EML1: variants seen among roughly 807,000 people sequenced by gnomAD.
The protein encoded by EML1 is EMAP like 1.
Under a neutral mutation model 110.4 loss-of-function variants are expected in EML1, and 27 were observed. That is an observed-to-expected ratio of 0.24 (90% CI 0.18 to 0.34). EML1 has a LOEUF of 0.34. Ranked by LOEUF, EML1 falls within the 10% of genes least tolerant of loss-of-function variation. The pLI, the probability that EML1 is intolerant of heterozygous loss-of-function variation, is 1.00. For missense variants in EML1, 741 were observed against 1,030.9 expected (o/e 0.72, Z 3.85); for synonymous variants, 344 against 385.8 (o/e 0.89, Z 1.27).
At chr14:99,833,202 G>A (rs962205519) in intron 1 of EML1, among the ~76,000 whole-genome samples, 1 of 152,184 alleles carries the variant, frequency 6.6e-6, no homozygotes. Flanking sequence ...TGTATGGATT[G>A]AGGTTCTTTT....
At position 99,866,570 on chromosome 14, in the gene EML1, CAAAA is replaced by C. The variant is rs57796662; in HGVS notation, c.383+947_383+950del. ...GGGTGACAAGAGCAAAACTCCATCTCAAAAAAAAAAAAAAAAAAAAAAAAAAGAG... is the reference window on the plus strand; with the variant it reads ...GGGTGACAAGAGCAAAACTCCATCTCAAAAAAAAAAAAAAAAAAAAAAGAG... On this transcript the variant is annotated intron_variant, in intron 3 of 21. Transcript: ENST00000262233. Among the ~76,000 whole-genome samples the C allele has an allele frequency of 8.8e-3, 701 of 79,988 alleles. 2 individuals are homozygous for C. Among genetic ancestry groups the C allele is most frequent in the African/African-American group, 0.036 (649 of 17,956 alleles). The allele number at this position is 79,988 out of a possible 152,430, so 52.5% of individuals were successfully genotyped here. A position where few individuals can be genotyped will look rare whatever the true frequency, so the allele number is the denominator to read the frequency against.
chr14:99,897,712 T>C (rs974119394), intron 7 of EML1, among the ~76,000 whole-genome samples: 1 of 152,216 alleles, frequency 6.6e-6, no homozygotes, highest in African/African-American at 2.4e-5. Context: ...TTTGGGTCTT[T>C]ATTTTTTGAT....
chr14:99,925,566 G>A (rs1281035136), intron 17 of EML1, among the ~76,000 whole-genome samples: 2 of 152,176 alleles, frequency 1.3e-5, no homozygotes, highest in Non-Finnish European at 2.9e-5. Context: ...TTTGCTTCAT[G>A]TAGTTTGAAT....
chr14:99,866,851 T>A (rs1260853141), intron 3 of EML1, among the ~76,000 whole-genome samples: 1 of 152,228 alleles, frequency 6.6e-6, no homozygotes, highest in Non-Finnish European at 1.5e-5. Context: ...CATGATGTCC[T>A]CGACATGCAT....
At chr14:99,789,533 A>C (rs547379564), upstream of EML1, among the ~76,000 whole-genome samples, 2 of 152,336 alleles carry the variant, frequency 1.3e-5, no homozygotes, top group East Asian at 3.9e-4. Context: ...AACCTTGCCA[A>C]TGATGACTCT....
chr14:99,783,314 C>CA (rs1226910256), intron 1 of EML1, among the ~76,000 whole-genome samples: 2 of 151,916 alleles, frequency 1.3e-5, no homozygotes, highest in African/African-American at 4.8e-5. Flanking sequence ...CTACAAAGGA[C>CA]ATGAACTCAT....
At chr14:99,885,612 C>G (rs2139963792) in intron 4 of EML1, among the ~76,000 whole-genome samples, 2 of 152,160 alleles carry the variant, frequency 1.3e-5, no homozygotes, top group Middle Eastern at 6.8e-3. Context: ...GCATTTTTTA[C>G]TGAAAAAAAT....
chr14:99,739,975 G>T (rs1281635524), intron 1 of EML1, among the ~76,000 whole-genome samples: 2 of 152,184 alleles, frequency 1.3e-5, no homozygotes, highest in Non-Finnish European at 2.9e-5. Context: ...TCCATTAGGT[G>T]GGGACAATAC....
intron 1 of EML1, among the ~76,000 whole-genome samples, chr14:99,740,412 T>C (rs982517337): frequency 2.0e-5 from 3 of 152,144 alleles, no homozygotes; most frequent in Non-Finnish European, 4.4e-5. Context: ...AAGAAGCAGC[T>C]CTCATTTCAG....
chr14:99,776,491 G>A (rs56110528), intron 1 of EML1, among the ~76,000 whole-genome samples: 19,275 of 149,692 alleles, frequency 0.13, 1,461 homozygotes, highest in East Asian at 0.37. Context: ...GTGACAGAGC[G>A]AGACTCCATC....
At chr14:99,750,020 G>C (rs1040667628) in intron 1 of EML1, among the ~76,000 whole-genome samples, 6 of 152,236 alleles carry the variant, frequency 3.9e-5, no homozygotes, top group Non-Finnish European at 4.4e-5. Flanking sequence ...GTCCTCCCGC[G>C]AGGTTGGCTC....
Position 99,909,362 on chromosome 14 carries a change from G to T in EML1, c.1122G>T (p.Val374=). The change falls in exon 11 of 22, where the codon GTG becomes GTT. Residue 374 remains valine (V), a synonymous_variant. Coordinates refer to ENST00000262233, the MANE Select transcript of EML1 (RefSeq NM_004434.3). ...TCCTATAGTGCTCTAATGAAGCTGT[G>T]TTTGCTGCGGATTTCCACCCCACGG... ...LADVKCSNEA[V]FAADFHPTDT... is the part of the protein sequence containing the mutation. 1 of 1,614,154 alleles carries T rather than the reference G, an allele frequency of 6.2e-7. No individual in the cohort carries two copies. The highest frequency in any genetic ancestry group is 8.5e-7 in the Non-Finnish European group (1 of 1,180,034).
At chr14:99,876,695 C>T (rs1031470226) in intron 3 of EML1, among the ~76,000 whole-genome samples, 14 of 152,130 alleles carry the variant, frequency 9.2e-5, no homozygotes, top group Non-Finnish European at 1.5e-5. Context: ...CTCCAAGTGT[C>T]AAGACTAGAG....
chr14:99,840,537 AG>A (rs2058616306), intron 1 of EML1, among the ~76,000 whole-genome samples: 1 of 152,210 alleles, frequency 6.6e-6, no homozygotes, highest in Non-Finnish European at 1.5e-5. Flanking sequence ...TGCACCACAA[AG>A]CTTAGGCCCT....
chr14:99,780,602 G>T (rs17099042), intron 1 of EML1, among the ~76,000 whole-genome samples: 17,733 of 152,158 alleles, frequency 0.12, 1,304 homozygotes, highest in East Asian at 0.37. Flanking sequence ...TGTTTATGTT[G>T]CCAACAAGTG....
intron 1 of EML1, among the ~76,000 whole-genome samples, chr14:99,762,411 A>G (rs922426561): frequency 2.6e-5 from 4 of 152,110 alleles, no homozygotes; most frequent in Non-Finnish European, 1.5e-5. Context: ...CCAGCCATTA[A>G]CCCCTCAGGT....
chr14:99,777,691 A>T (rs2057498043), intron 1 of EML1, among the ~76,000 whole-genome samples: 1 of 152,206 alleles, frequency 6.6e-6, no homozygotes, highest in South Asian at 2.1e-4. Flanking sequence ...AAGTGCTGGG[A>T]TTAGAAGCGT....
chr14:99,919,413 CGCATGCACACAG>C (rs2060090615), intron 16 of EML1, among the ~76,000 whole-genome samples: 3 of 77,844 alleles, frequency 3.9e-5, no homozygotes, highest in South Asian at 4.5e-4. Context: ...CACACACATA[CGCATGCACACAG>C]ACACACACAC....
intron 2 of EML1, 116 bp downstream of exon 2, chr14:99,851,151 A>G (rs1453312851): frequency 4.5e-5 from 52 of 1,149,586 alleles, no homozygotes; most frequent in Non-Finnish European, 3.9e-5. Flanking sequence ...TAGAATAACA[A>G]TAAAACAGTC....
Sources: allele counts gnomAD v4.1 joint callset (sites outside exome capture counted in the v4.1 genomes callset), GRCh38; gene constraint gnomAD v4.1.1; transcripts MANE v1.5; gene names NCBI Gene and HGNC (gene_info 2026-07-23, HGNC 2026-07-21).